Variants in PF4V1 observed in about 807,000 individuals in gnomAD.
PF4V1 encodes platelet factor 4 variant 1.
PF4V1 carries 4 observed loss-of-function variants against 6.9 expected under a neutral mutation model. The observed-to-expected ratio is 0.58, with a 90% CI of 0.29 to 1.34. PF4V1 has a LOEUF of 1.34. Ranked by LOEUF, PF4V1 falls within the 40% of genes most tolerant of loss-of-function variation. The probability of loss-of-function intolerance (pLI) is 0.09; values close to 1 mark genes in which losing one functional copy is unlikely to be tolerated. For missense variants in PF4V1, 127 were observed against 128.6 expected (o/e 0.99, Z 0.06); for synonymous variants, 68 against 55.9 (o/e 1.22, Z -0.97).
At position 73,853,764 on chromosome 4, in the gene PF4V1, C is replaced by G; in HGVS notation, c.101-19C>G. On this transcript the variant is annotated intron_variant, in intron 1 of 2. Transcript: ENST00000226524. The stretch of plus-strand genomic sequence containing the variant: ...CTCCCACCCCTCCTCCTCTCTTACT[C>G]CCTCCCTTTCCCCCTCAGCTGAAGC... 6.3e-7 allele frequency: 1 copy of G among 1,599,246 alleles called. No homozygotes were observed. Among genetic ancestry groups the G allele is most frequent in the Non-Finnish European group, 8.5e-7 (1 of 1,172,346 alleles).
intron 2 of PF4V1, 39 bp downstream of exon 2, chr4:73,853,948 G>C (rs749463063): frequency 3.1e-6 from 5 of 1,602,566 alleles, no homozygotes; most frequent in Non-Finnish European, 1.7e-6. Flanking sequence ...CTCCCGCTCC[G>C]TGCCTCCTCT....
rs1372760513 is a variant in PF4V1 at position 73,853,911 on chromosome 4, T to A, written c.227+2T>A. ...CCACTGCCCCACTGCCCAACTCATGTGAGTCCTCGCACTGCATCAGTTAGT... is the reference window on the plus strand; with the variant it reads ...CCACTGCCCCACTGCCCAACTCATGAGAGTCCTCGCACTGCATCAGTTAGT... On this transcript the variant is annotated splice_donor_variant, in intron 2 of 2. Transcript: ENST00000226524. LOFTEE classifies it high-confidence loss of function. 9 of 1,603,622 alleles carry A rather than the reference T, an allele frequency of 5.6e-6. 1 individual carries two copies. The African/African-American group carries it at 1.2e-4, about 22-fold the overall frequency.
intron 1 of PF4V1, 61 bp from the exon 2 acceptor site, chr4:73,853,722 T>A (rs1411530447): frequency 9.0e-6 from 14 of 1,547,546 alleles, no homozygotes; most frequent in Admixed American, 2.0e-5. Context: ...TATCTCTGGC[T>A]ACTCAGGGAG....
At chr4:73,853,613 G>T (rs1284225410) in intron 1 of PF4V1, 151 bp downstream of exon 1, 2 of 1,271,530 alleles carry the variant, frequency 1.6e-6, no homozygotes, top group Non-Finnish European at 2.2e-6. Flanking sequence ...GGCACTGCAC[G>T]TGCACCTCGC....
intron 1 of PF4V1, 36 bp downstream of exon 1, chr4:73,853,498 G>T (rs913727603): frequency 1.9e-6 from 3 of 1,567,616 alleles, no homozygotes; most frequent in Non-Finnish European, 1.7e-6. Flanking sequence ...GGCCAGCAGC[G>T]GCGAGGGGGA....
In PF4V1 at chr4:73,853,881, G is replaced by A. The variant is rs1049229266; in HGVS notation, c.199G>A (p.Gly67Arg). Reference protein sequence around the residue: ...HITSLEVIKAGPHCPTAQLIA... With the variant: ...HITSLEVIKARPHCPTAQLIA... ...CACCAGCCTGGAGGTGATCAAGGCCGGACCCCACTGCCCCACTGCCCAACT... is the reference window on the plus strand; with the variant it reads ...CACCAGCCTGGAGGTGATCAAGGCCAGACCCCACTGCCCCACTGCCCAACT... Residue 67 changes from glycine (G) to arginine (R), a missense_variant, in exon 2 of 3, where the codon GGA becomes AGA. Physicochemically the swap from Gly to Arg is moderately radical, Grantham distance 125. Coordinates refer to ENST00000226524, the MANE Select transcript of PF4V1 (RefSeq NM_002620.4). 1.2e-6 allele frequency: 2 copies of A among 1,611,870 alleles called. No homozygotes were observed. The highest frequency in any genetic ancestry group is 1.7e-6 in the Non-Finnish European group (2 of 1,179,420).
chr4:73,853,572 C>G (rs1578142948), intron 1 of PF4V1, 110 bp downstream of exon 1: 4 of 1,373,632 alleles, frequency 2.9e-6, no homozygotes, highest in Middle Eastern at 2.5e-4. Context: ...GCTCTTATTG[C>G]GCGCGTGCTG....
In PF4V1 at chr4:73,854,333, G is replaced by A. The variant is rs1326439436; in HGVS notation, c.*211G>A. 6.6e-6 allele frequency among the ~76,000 whole-genome samples: 1 copy of A among 152,080 alleles called. No individual in the cohort carries two copies. The highest frequency in any genetic ancestry group is 2.4e-5 in the African/African-American group (1 of 41,388). On this transcript the variant is annotated 3_prime_UTR_variant, in exon 3 of 3. Coordinates refer to ENST00000226524, the MANE Select transcript of PF4V1 (RefSeq NM_002620.4). ...TAAGCAAAAAGCATTATGAAGGAAG[G>A]CTTGGTTTAATAAAGACTGATTTTG...
Position 73,854,285 on chromosome 4 carries a change from A to G in PF4V1, c.*163A>G, listed in dbSNP as rs1048912878. 1 of 592,406 alleles carries G rather than the reference A, an allele frequency of 1.7e-6. No homozygotes were observed. The highest frequency in any genetic ancestry group is 2.9e-6 in the Non-Finnish European group (1 of 345,574). The allele number at this position is 592,406 out of a possible 1,614,324, so 36.7% of individuals were successfully genotyped here. On this transcript the variant is annotated 3_prime_UTR_variant, in exon 3 of 3. Transcript: ENST00000226524. ...AATAATGCTGACACATCACAATTTCATATTTTAAAATTTCCAGAATTTTAA... is the reference window on the plus strand; with the variant it reads ...AATAATGCTGACACATCACAATTTCGTATTTTAAAATTTCCAGAATTTTAA...
chr4:73,853,890 T>C lies in PF4V1; in HGVS notation c.208T>C (p.Cys70Arg). The C allele has an allele frequency of 1.9e-6, 3 of 1,610,362 alleles. No individual in the cohort carries two copies. The highest frequency in any genetic ancestry group is 2.5e-6 in the Non-Finnish European group (3 of 1,178,478). The change falls in exon 2 of 3, where the codon TGC (cysteine) becomes CGC (arginine). Residue 70 changes from cysteine (C) to arginine (R), a missense_variant. Coordinates refer to ENST00000226524, the MANE Select transcript of PF4V1 (RefSeq NM_002620.4). ...GGAGGTGATCAAGGCCGGACCCCACTGCCCCACTGCCCAACTCATGTGAGT... is the reference window on the plus strand; with the variant it reads ...GGAGGTGATCAAGGCCGGACCCCACCGCCCCACTGCCCAACTCATGTGAGT... ...SLEVIKAGPH[C>R]PTAQLIATLK...
At position 73,854,454 on chromosome 4, in the gene PF4V1, C is replaced by A. The variant is rs1408674817; in HGVS notation, c.*332C>A. 6.6e-6 allele frequency among the ~76,000 whole-genome samples: 1 copy of A among 150,826 alleles called. No homozygotes were observed. The highest frequency in any genetic ancestry group is 1.5e-5 in the Non-Finnish European group (1 of 67,894). On this transcript the variant is annotated 3_prime_UTR_variant, in exon 3 of 3. Coordinates refer to ENST00000226524, the MANE Select transcript of PF4V1 (RefSeq NM_002620.4). The stretch of plus-strand genomic sequence containing the variant: ...TACCTTGAATGTTACAATTAGCTTG[C>A]CAATAAATATTAGTAGCTCTTAAGC...
At chr4:73,853,645 G>T (rs943800460) in intron 1 of PF4V1, 138 bp from the exon 2 acceptor site, 6 of 1,323,566 alleles carry the variant, frequency 4.5e-6, no homozygotes, top group Admixed American at 2.2e-5. Flanking sequence ...CACAACCTCT[G>T]TCTGAGAGAG....
At chr4:73,853,576 C>A in intron 1 of PF4V1, 114 bp downstream of exon 1, 1 of 1,350,692 alleles carries the variant, frequency 7.4e-7, no homozygotes, top group Non-Finnish European at 1.0e-6. Context: ...TTATTGCGCG[C>A]GTGCTGAGTC....
intron 1 of PF4V1, 107 bp downstream of exon 1, chr4:73,853,569 T>G: frequency 7.2e-7 from 1 of 1,382,806 alleles, no homozygotes; most frequent in Non-Finnish European, 9.9e-7. Context: ...GCTGCTCTTA[T>G]TGCGCGCGTG....
rs756856162 is a variant in PF4V1 at position 73,853,395 on chromosome 4, C to A, written c.33C>A (p.Arg11=). 3.7e-6 allele frequency: 6 copies of A among 1,613,956 alleles called. No individual in the cohort carries two copies. The Admixed American group carries it at 5.0e-5, about 13-fold the overall frequency. ...CCGCAGCCAGGTCCCGCCTCACCCG[C>A]GCCACCCGCCAGGAGATGCTGTTCT... is the stretch of plus-strand genomic sequence containing the variant. MSSAARSRLT[R]ATRQEMLFLA... Residue 11 remains arginine, a synonymous_variant, in exon 1 of 3, where the codon CGC becomes CGA. Coordinates refer to ENST00000226524, the MANE Select transcript of PF4V1 (RefSeq NM_002620.4).
chr4:73,853,357 T>C lies in PF4V1; in HGVS notation c.-6T>C, dbSNP rs774207420. 4 of 1,613,252 alleles carry C rather than the reference T, an allele frequency of 2.5e-6. No individual in the cohort carries two copies. In the East Asian group the frequency reaches 6.7e-5, roughly 27 times the overall value. ...ACTGGGATCCTGCTGGAACCTCAGCTGCAACATGAGCTCCGCAGCCAGGTC... is the reference window on the plus strand; with the variant it reads ...ACTGGGATCCTGCTGGAACCTCAGCCGCAACATGAGCTCCGCAGCCAGGTC... On this transcript the variant is annotated 5_prime_UTR_variant, in exon 1 of 3. Transcript: ENST00000226524.
intron 2 of PF4V1, 23 bp downstream of exon 2, chr4:73,853,932 T>G (rs2109762359): frequency 6.2e-7 from 1 of 1,601,210 alleles, no homozygotes; most frequent in Non-Finnish European, 8.5e-7. Flanking sequence ...ACTGCATCAG[T>G]TAGTGCTCCC....
rs561667951 is a variant in PF4V1, at chr4:73,854,176, T to A, written c.*54T>A. ...ATCTAACTGTGAAAGAATCTTCTGATGTTTGTATTATCCTTCTTATATTAT... is the reference window on the plus strand; with the variant it reads ...ATCTAACTGTGAAAGAATCTTCTGAAGTTTGTATTATCCTTCTTATATTAT... On this transcript the variant is annotated 3_prime_UTR_variant, in exon 3 of 3. Transcript: ENST00000226524. 16 of 1,237,092 alleles carry A rather than the reference T, an allele frequency of 1.3e-5. No individual in the cohort carries two copies. Among genetic ancestry groups the A allele is most frequent in the Non-Finnish European group, 1.8e-5 (15 of 844,966 alleles). 76.6% of individuals were successfully genotyped at this position (1,237,092 alleles called of 1,614,324 possible).
Position 73,854,043 on chromosome 4 carries a change from T to C in PF4V1, c.236T>C (p.Leu79Pro), listed in dbSNP as rs764868014. 8.1e-6 allele frequency: 13 copies of C among 1,614,036 alleles called. No homozygotes were observed. In the African/African-American group the frequency reaches 1.3e-4, roughly 17 times the overall value. ...HCPTAQLIAT[L>P]KNGRKICLDL... ...TCTCTTTTCCCTGCCAGAGCCACGC[T>C]GAAGAATGGGAGGAAAATTTGCTTG... Residue 79 changes from leucine to proline, a missense_variant, in exon 3 of 3, where the codon CTG becomes CCG. Physicochemically the swap from Leu to Pro is moderately conservative, Grantham distance 98 (BLOSUM62 -3). Transcript: ENST00000226524.
Sources: gnomAD v4.1 joint callset for allele counts (sites outside exome capture counted in the v4.1 genomes callset) on GRCh38, gnomAD v4.1.1 for gene constraint, MANE v1.5 for transcripts, NCBI Gene and HGNC (gene_info 2026-07-23, HGNC 2026-07-21) for gene names.